ITGBL1: variants seen among roughly 807,000 people sequenced by gnomAD.
ITGBL1 encodes integrin subunit beta like 1.
In ITGBL1, 51 loss-of-function variants were observed where a neutral mutation model predicts 68.5. The observed-to-expected ratio is 0.74, with a 90% CI of 0.59 to 0.94. The LOEUF is 0.94. ITGBL1 is among the 40% of genes least tolerant of loss of function. The pLI, the probability that ITGBL1 is intolerant of heterozygous loss-of-function variation, is 0.00. For missense variants in ITGBL1, 649 were observed against 647.4 expected (o/e 1.00, Z -0.03); for synonymous variants, 209 against 227.3 (o/e 0.92, Z 0.72).
chr13:101,670,601 T>G (rs2033334770), intron 7 of ITGBL1, among the ~76,000 whole-genome samples: 1 of 152,214 alleles, frequency 6.6e-6, no homozygotes, highest in Non-Finnish European at 1.5e-5. Flanking sequence ...TGACATGTGA[T>G]TCTGTTTTAA....
At chr13:101,618,872 G>A (rs1215737223) in intron 7 of ITGBL1, among the ~76,000 whole-genome samples, 1 of 152,018 alleles carries the variant, frequency 6.6e-6, no homozygotes, top group Non-Finnish European at 1.5e-5. Context: ...AATATTCAGG[G>A]GGAAAACTCA....
intron 2 of ITGBL1, among the ~76,000 whole-genome samples, chr13:101,539,353 T>A (rs1219083438): frequency 6.6e-6 from 1 of 152,074 alleles, no homozygotes; most frequent in African/African-American, 2.4e-5. Context: ...GTTTCCAGCT[T>A]CATCCATGTC....
intron 2 of ITGBL1, among the ~76,000 whole-genome samples, chr13:101,494,114 C>A (rs934789054): frequency 2.0e-5 from 3 of 152,130 alleles, no homozygotes; most frequent in African/African-American, 7.2e-5. Flanking sequence ...TGGTAGTTAT[C>A]AAATAATAAT....
intron 2 of ITGBL1, among the ~76,000 whole-genome samples, chr13:101,470,562 C>T (rs2048443490): frequency 6.6e-6 from 1 of 152,000 alleles, no homozygotes; most frequent in South Asian, 2.1e-4. Flanking sequence ...CAACATTTAC[C>T]CTCTGGGTGT....
intron 7 of ITGBL1, among the ~76,000 whole-genome samples, chr13:101,690,128 T>C: frequency 6.6e-6 from 1 of 152,210 alleles, no homozygotes; most frequent in East Asian, 1.9e-4. Flanking sequence ...GGAAATTGGT[T>C]ACTATATTCT....
At chr13:101,580,877 C>T (rs184480542) in intron 5 of ITGBL1, among the ~76,000 whole-genome samples, 19 of 152,304 alleles carry the variant, frequency 1.2e-4, no homozygotes, top group African/African-American at 3.8e-4. Flanking sequence ...CATCCCACTT[C>T]GCTGTGCTTG....
At chr13:101,579,532 T>C (rs1481018295) in intron 5 of ITGBL1, 105 bp downstream of exon 5, 6 of 1,146,098 alleles carry the variant, frequency 5.2e-6, no homozygotes, top group Non-Finnish European at 7.3e-6. Context: ...GGAAGTTATC[T>C]TCTAACCATT....
intron 2 of ITGBL1, among the ~76,000 whole-genome samples, chr13:101,539,604 T>C (rs1447582807): frequency 5.3e-5 from 8 of 151,708 alleles, no homozygotes; most frequent in Non-Finnish European, 7.4e-5. Flanking sequence ...ATTTCTAGTT[T>C]TAGATCCCTG....
rs185212868 is a variant in ITGBL1, at chr13:101,501,482, C to T, written c.316+47382C>T. On this transcript the variant is annotated intron_variant, in intron 2 of 10. Transcript: ENST00000376180. ...CAAAACCAAGGAAGAGCTTTCCTTT[C>T]GAGAATGCAGCTGACACTGACATCC... 3.3e-5 allele frequency among the ~76,000 whole-genome samples: 5 copies of T among 152,180 alleles called. No homozygotes were observed. In the East Asian group the frequency reaches 5.8e-4, roughly 18 times the overall value.
chr13:101,519,537 C>A (rs1046103776), intron 2 of ITGBL1, among the ~76,000 whole-genome samples: 7 of 152,068 alleles, frequency 4.6e-5, no homozygotes, highest in African/African-American at 1.7e-4. Flanking sequence ...GCCTGCCTGT[C>A]TTCCCTTCTT....
intron 7 of ITGBL1, among the ~76,000 whole-genome samples, chr13:101,599,741 A>G (rs1293950514): frequency 3.9e-5 from 6 of 151,956 alleles, no homozygotes; most frequent in South Asian, 2.1e-4. Context: ...AAGATCAAAT[A>G]GTTGTAGATA....
intron 3 of ITGBL1, among the ~76,000 whole-genome samples, chr13:101,570,998 T>G (rs2050262725): frequency 6.6e-6 from 1 of 152,112 alleles, no homozygotes; most frequent in African/African-American, 2.4e-5. Context: ...TACACACAAA[T>G]ACATATACAC....
intron 2 of ITGBL1, among the ~76,000 whole-genome samples, chr13:101,540,368 T>C (rs1387713227): frequency 6.6e-6 from 1 of 152,160 alleles, no homozygotes; most frequent in African/African-American, 2.4e-5. Flanking sequence ...GTTGTAGATA[T>C]GCGGCATTAT....
intron 2 of ITGBL1, among the ~76,000 whole-genome samples, chr13:101,546,584 A>G (rs1196396969): frequency 6.6e-6 from 1 of 151,730 alleles, no homozygotes; most frequent in Admixed American, 6.6e-5. Flanking sequence ...AAAAACTAAC[A>G]AACTCATAAC....
At chr13:101,557,908 G>A (rs1044094306) in intron 2 of ITGBL1, among the ~76,000 whole-genome samples, 1 of 151,796 alleles carries the variant, frequency 6.6e-6, no homozygotes. Context: ...GGCTAAAATG[G>A]TGAAACGATG....
chr13:101,673,487 G>A (rs2033426663), intron 7 of ITGBL1, among the ~76,000 whole-genome samples: 1 of 152,154 alleles, frequency 6.6e-6, no homozygotes, highest in Non-Finnish European at 1.5e-5. Flanking sequence ...AATACATGCT[G>A]TACCTGGATA....
At position 101,505,454 on chromosome 13, in the gene ITGBL1, C is replaced by T. The variant is rs148966224; in HGVS notation, c.316+51354C>T. On this transcript the variant is annotated intron_variant, in intron 2 of 10. Transcript: ENST00000376180. ...GTTGGAGAGAAGGGTGTTTATTTGC[C>T]CTGGGGACCCTAAACAGGTTGTGGC... Among the ~76,000 whole-genome samples the T allele has an allele frequency of 1.8e-3, 279 of 152,038 alleles. 2 individuals are homozygous for T. Among genetic ancestry groups the T allele is most frequent in the African/African-American group, 6.3e-3 (263 of 41,468 alleles).
chr13:101,497,051 C>A (rs1337376473), intron 2 of ITGBL1, among the ~76,000 whole-genome samples: 4 of 152,160 alleles, frequency 2.6e-5, no homozygotes, highest in African/African-American at 9.7e-5. Context: ...GTGTGAGAGG[C>A]CTGGGGGCCT....
At chr13:101,692,490 A>C in intron 7 of ITGBL1, 95 bp from the exon 8 acceptor site, 7 of 783,954 alleles carry the variant, frequency 8.9e-6, no homozygotes, top group Non-Finnish European at 1.6e-5. Flanking sequence ...GAACTATTCT[A>C]GGAGATTTGG....
Sources: allele counts gnomAD v4.1 joint callset (sites outside exome capture counted in the v4.1 genomes callset), GRCh38; gene constraint gnomAD v4.1.1; transcripts MANE v1.5; gene names NCBI Gene and HGNC (gene_info 2026-07-23, HGNC 2026-07-21).